CD38: variants seen among roughly 807,000 people sequenced by gnomAD.
CD38 encodes CD38 molecule.
In CD38, 31 loss-of-function variants were observed where a neutral mutation model predicts 36.3. The ratio of observed to expected loss-of-function variants is 0.85; its 90% CI spans 0.64 to 1.15. The LOEUF is 1.15. Among genes scored for constraint, CD38 ranks in the 50% most tolerant of loss-of-function variants. CD38 has a pLI of 0.00. For missense variants in CD38, 380 were observed against 371.9 expected (o/e 1.02, Z -0.18); for synonymous variants, 131 against 135.2 (o/e 0.97, Z 0.22).
chr4:15,817,376 T>C (rs915975515), intron 2 of CD38, among the ~76,000 whole-genome samples: 5 of 152,222 alleles, frequency 3.3e-5, no homozygotes, highest in Non-Finnish European at 7.3e-5. Flanking sequence ...CTTAAATCCA[T>C]CCAGAAATTA....
chr4:15,782,152 C>T (rs189270112), intron 1 of CD38, among the ~76,000 whole-genome samples: 1 of 152,292 alleles, frequency 6.6e-6, no homozygotes, highest in East Asian at 1.9e-4. Flanking sequence ...TGAATTTCTT[C>T]AAGGTTTCTA....
intron 1 of CD38, among the ~76,000 whole-genome samples, chr4:15,797,033 T>C (rs1364951517): frequency 6.6e-6 from 1 of 152,150 alleles, no homozygotes; most frequent in Non-Finnish European, 1.5e-5. Context: ...TTTGAAAAAA[T>C]TGTCGAACTT....
chr4:15,809,809 A>G (rs922581853), intron 1 of CD38, among the ~76,000 whole-genome samples: 3 of 152,180 alleles, frequency 2.0e-5, no homozygotes, highest in African/African-American at 7.2e-5. Flanking sequence ...GAACTTCCAG[A>G]AATGATTCAT....
chr4:15,826,718 C>A (rs1723858646), intron 3 of CD38, among the ~76,000 whole-genome samples: 1 of 149,028 alleles, frequency 6.7e-6, no homozygotes, highest in Non-Finnish European at 1.5e-5. Flanking sequence ...ACGGCCTGGG[C>A]AACATAGTAA....
Position 15,804,575 on chromosome 4 carries a change from T to A in CD38, c.234-11936T>A, listed in dbSNP as rs868468916. ...AAGAAAATGTGGGATATATAGACAA[T>A]GGAATGCAGCCATAAAAGAGAATGA... On this transcript the variant is annotated intron_variant, in intron 1 of 7. Coordinates refer to ENST00000226279, the MANE Select transcript of CD38 (RefSeq NM_001775.4). Among the ~76,000 whole-genome samples the A allele has an allele frequency of 8.5e-5, 13 of 152,192 alleles. No homozygotes were observed. The Middle Eastern group carries it at 0.017, about 199-fold the overall frequency.
intron 3 of CD38, among the ~76,000 whole-genome samples, chr4:15,828,358 G>C (rs1560317503): frequency 1.3e-5 from 2 of 152,132 alleles, no homozygotes; most frequent in Non-Finnish European, 2.9e-5. Context: ...GAAGTTTACT[G>C]TCTTAGCAAT....
Position 15,848,881 on chromosome 4 carries a change from T to C in CD38, c.*279T>C. ...TCACTTTAATTCTCATGTGATCCTTTTATGTTATTTATATATTGGTAACAT... is the reference window on the plus strand; with the variant it reads ...TCACTTTAATTCTCATGTGATCCTTCTATGTTATTTATATATTGGTAACAT... On this transcript the variant is annotated 3_prime_UTR_variant, in exon 8 of 8. Coordinates refer to ENST00000226279, the MANE Select transcript of CD38 (RefSeq NM_001775.4). 1 of 261,732 alleles carries C rather than the reference T, an allele frequency of 3.8e-6. No individual in the cohort carries two copies. The highest frequency in any genetic ancestry group is 7.2e-6 in the Non-Finnish European group (1 of 138,284). 16.2% of individuals were successfully genotyped at this position (261,732 alleles called of 1,614,324 possible).
chr4:15,839,415 CTTTTTTTTT>C (rs560134404), intron 5 of CD38, among the ~76,000 whole-genome samples: 1 of 88,072 alleles, frequency 1.1e-5, no homozygotes, highest in Non-Finnish European at 2.2e-5. Flanking sequence ...TTCTACATTT[CTTTTTTTTT>C]TTTTTTTTTT....
intron 2 of CD38, among the ~76,000 whole-genome samples, chr4:15,822,900 C>G (rs1203819769): frequency 2.6e-5 from 4 of 152,122 alleles, no homozygotes; most frequent in African/African-American, 9.7e-5. Flanking sequence ...AAGAACAAAG[C>G]TGGAGGCATC....
intron 2 of CD38, among the ~76,000 whole-genome samples, chr4:15,819,035 A>G (rs115073985): frequency 0.012 from 1,752 of 152,274 alleles, 32 homozygotes; most frequent in African/African-American, 0.04. Context: ...TGTCCTTTGC[A>G]GGCATATGGA....
chr4:15,802,116 A>G (rs1290610967), intron 1 of CD38, among the ~76,000 whole-genome samples: 2 of 152,184 alleles, frequency 1.3e-5, no homozygotes, highest in African/African-American at 4.8e-5. Context: ...TACAAAATCA[A>G]CATACAAAAA....
intron 1 of CD38, among the ~76,000 whole-genome samples, chr4:15,803,951 C>A (rs1189261498): frequency 6.6e-6 from 1 of 152,170 alleles, no homozygotes; most frequent in Non-Finnish European, 1.5e-5. Context: ...TGGCCTCCAG[C>A]TGCATTCATG....
intron 1 of CD38, among the ~76,000 whole-genome samples, chr4:15,810,670 T>C (rs1723448887): frequency 6.6e-6 from 1 of 152,222 alleles, no homozygotes; most frequent in East Asian, 1.9e-4. Flanking sequence ...GATAATGGTT[T>C]CCTGGCATAG....
rs1055126582 is a variant in CD38, at chr4:15,852,900, C to G, written c.*4298C>G. ...TCTCGGCTCACTGCAGGCTCCACCC[C>G]CTGGGGTTCACGCCATTCTCCTGCC... On this transcript the variant is annotated 3_prime_UTR_variant, in exon 8 of 8. Transcript: ENST00000226279. 3 of 151,898 alleles carry G rather than the reference C, an allele frequency of 2.0e-5. No individual in the cohort carries two copies. Among genetic ancestry groups the G allele is most frequent in the Admixed American group, 6.6e-5 (1 of 15,246 alleles). The allele number at this position is 151,898 out of a possible 1,614,324, so 9.4% of individuals were successfully genotyped here.
At chr4:15,796,075 C>A (rs1723098260) in intron 1 of CD38, among the ~76,000 whole-genome samples, 1 of 152,072 alleles carries the variant, frequency 6.6e-6, no homozygotes, top group African/African-American at 2.4e-5. Flanking sequence ...TAAATTATCT[C>A]TAACGTTGTC....
intron 1 of CD38, among the ~76,000 whole-genome samples, chr4:15,782,031 C>T (rs770214124): frequency 2.0e-5 from 3 of 152,184 alleles, no homozygotes; most frequent in East Asian, 3.8e-4. Flanking sequence ...CCACTTAACA[C>T]GATGGCTCCT....
In CD38 at chr4:15,840,035, G is replaced by A; in HGVS notation, c.669G>A (p.Gly223=). 1 of 1,611,968 alleles carries A rather than the reference G, an allele frequency of 6.2e-7. No individual in the cohort carries two copies. The highest frequency in any genetic ancestry group is 8.5e-7 in the Non-Finnish European group (1 of 1,178,056). The change falls in exon 6 of 8, where the codon GGG becomes GGA. Residue 223 remains glycine (G), a synonymous_variant. Coordinates refer to ENST00000226279, the MANE Select transcript of CD38 (RefSeq NM_001775.4). ...SKIFDKNSTF[G]SVEVHNLQPE... is the part of the protein sequence containing the mutation. Reference sequence around the variant, plus strand: ...GTTTCTTCTATTTTAGCACTTTTGGGAGTGTGGAAGTCCATAATTTGCAAC... The same window carrying A: ...GTTTCTTCTATTTTAGCACTTTTGGAAGTGTGGAAGTCCATAATTTGCAAC...
In CD38 at chr4:15,838,089, A is replaced by G; in HGVS notation, c.586-3A>G. 1 of 1,604,110 alleles carries G rather than the reference A, an allele frequency of 6.2e-7. No homozygotes were observed. Among genetic ancestry groups the G allele is most frequent in the Non-Finnish European group, 8.5e-7 (1 of 1,176,200 alleles). ...ATGAATGGTGGGCATTTTTTTTTTT[A>G]AGTTTGCAGAAGCTGCCTGTGATGT... On this transcript the variant is annotated splice_region_variant and splice_polypyrimidine_tract_variant and intron_variant, in intron 4 of 7. Coordinates refer to ENST00000226279, the MANE Select transcript of CD38 (RefSeq NM_001775.4).
chr4:15,789,240 T>C (rs1217192979), intron 1 of CD38, among the ~76,000 whole-genome samples: 1 of 152,170 alleles, frequency 6.6e-6, no homozygotes, highest in Non-Finnish European at 1.5e-5. Flanking sequence ...GATATAGCAG[T>C]AAACAAAACA....
Sources: gnomAD v4.1 joint callset for allele counts (sites outside exome capture counted in the v4.1 genomes callset) on GRCh38, gnomAD v4.1.1 for gene constraint, MANE v1.5 for transcripts, NCBI Gene and HGNC (gene_info 2026-07-23, HGNC 2026-07-21) for gene names.